GPC5: variants seen among roughly 807,000 people sequenced by gnomAD.
GPC5 encodes the protein glypican-5.
GPC5 carries 47 observed loss-of-function variants against 53.9 expected under a neutral mutation model. That is an observed-to-expected ratio of 0.87 (90% CI 0.69 to 1.11). The LOEUF (loss-of-function observed/expected upper bound fraction) is 1.11. Among genes scored for constraint, GPC5 ranks in the 50% most tolerant of loss-of-function variants. GPC5 has a pLI of 0.00. For missense variants in GPC5, 748 were observed against 713.1 expected (o/e 1.05, Z -0.56); for synonymous variants, 286 against 263.3 (o/e 1.09, Z -0.84).
intron 2 of GPC5, 37 bp downstream of exon 2, chr13:91,448,959 C>T (rs75621401): frequency 0.046 from 74,095 of 1,594,574 alleles, 2,012 homozygotes; most frequent in Middle Eastern, 0.11. Context: ...AAGGACTGGC[C>T]GTGTTATGTA....
intron 6 of GPC5, among the ~76,000 whole-genome samples, chr13:92,138,084 A>G (rs1423222721): frequency 2.0e-5 from 3 of 152,184 alleles, no homozygotes; most frequent in African/African-American, 4.8e-5. Flanking sequence ...ACTACTCTAA[A>G]AAATGAAGTT....
intron 2 of GPC5, among the ~76,000 whole-genome samples, chr13:91,682,877 C>T (rs2035539615): frequency 6.6e-6 from 1 of 152,098 alleles, no homozygotes; most frequent in South Asian, 2.1e-4. Flanking sequence ...ACGTGGAAGA[C>T]CTTGGACTAC....
chr13:92,661,482 G>T (rs2139186409), intron 7 of GPC5, among the ~76,000 whole-genome samples: 1 of 152,160 alleles, frequency 6.6e-6, no homozygotes, highest in Admixed American at 6.5e-5. Flanking sequence ...TTTTAGTAAT[G>T]TTGGCTTATA....
chr13:91,873,205 A>G (rs1467544538), intron 5 of GPC5, among the ~76,000 whole-genome samples: 1 of 152,200 alleles, frequency 6.6e-6, no homozygotes, highest in African/African-American at 2.4e-5. Context: ...CAGTCTTAGT[A>G]TTTTGGTATG....
rs774655275 is a variant in GPC5, at chr13:91,748,164, C to T, written c.1155-8131C>T. On this transcript the variant is annotated intron_variant, in intron 4 of 7. Transcript: ENST00000377067. ...GCTCTTTCTATCTCTGTCTTCATAA[C>T]GCAGCATATCTGTGATGTATTAATT... Among the ~76,000 whole-genome samples the T allele has an allele frequency of 6.6e-5, 10 of 152,312 alleles. 1 individual carries two copies. The highest frequency in any genetic ancestry group is 1.9e-4 in the East Asian group (1 of 5,186).
intron 1 of GPC5, among the ~76,000 whole-genome samples, chr13:91,414,928 ACAC>A (rs1475029489): frequency 1.3e-5 from 2 of 152,166 alleles, no homozygotes; most frequent in Non-Finnish European, 2.9e-5. Context: ...ACATCTTAAG[ACAC>A]CCTTCATGGT....
chr13:91,558,527 A>G (rs1254699225), intron 2 of GPC5, among the ~76,000 whole-genome samples: 1 of 152,058 alleles, frequency 6.6e-6, no homozygotes, highest in African/African-American at 2.4e-5. Flanking sequence ...CATTGCAGGA[A>G]GAAGGGACTT....
chr13:91,799,886 T>A (rs2038106468), intron 5 of GPC5, among the ~76,000 whole-genome samples: 1 of 152,172 alleles, frequency 6.6e-6, no homozygotes. Context: ...TTGACAACTT[T>A]TATTAATATT....
chr13:92,527,182 GAAGAAAGAAAGAAAGAAAGA>G (rs1168907594), intron 7 of GPC5, among the ~76,000 whole-genome samples: 12 of 45,158 alleles, frequency 2.7e-4, no homozygotes, highest in Admixed American at 5.9e-4. Context: ...GAGAAAGAAA[GAAGAAAGAAAGAAAGAAAGA>G]AAGAAAGAAA....
intron 2 of GPC5, among the ~76,000 whole-genome samples, chr13:91,537,640 G>C (rs1886652890): frequency 6.6e-6 from 1 of 152,096 alleles, no homozygotes; most frequent in South Asian, 2.1e-4. Flanking sequence ...CAAAATGAAA[G>C]GATGATGGAA....
chr13:92,543,722 T>A (rs906364090), intron 7 of GPC5, among the ~76,000 whole-genome samples: 2 of 152,108 alleles, frequency 1.3e-5, no homozygotes, highest in Non-Finnish European at 2.9e-5. Flanking sequence ...TGAAGGTTTA[T>A]TTTCTATTTT....
chr13:91,738,666 G>A (rs979593585), intron 4 of GPC5, among the ~76,000 whole-genome samples: 6 of 150,440 alleles, frequency 4.0e-5, no homozygotes, highest in East Asian at 1.9e-4. Flanking sequence ...TTTTAAATTT[G>A]TATTTCTTTA....
chr13:92,113,537 A>C (rs1444566040), intron 6 of GPC5, among the ~76,000 whole-genome samples: 1 of 152,152 alleles, frequency 6.6e-6, no homozygotes, highest in Non-Finnish European at 1.5e-5. Flanking sequence ...TTCACACAAC[A>C]TATACAATTT....
intron 6 of GPC5, among the ~76,000 whole-genome samples, chr13:91,936,838 G>A (rs1033207027): frequency 6.6e-6 from 1 of 151,976 alleles, no homozygotes; most frequent in Non-Finnish European, 1.5e-5. Context: ...CTAAGCAGCT[G>A]GAGATGAATT....
chr13:92,294,302 A>G (rs1310129463), intron 7 of GPC5, among the ~76,000 whole-genome samples: 1 of 152,122 alleles, frequency 6.6e-6, no homozygotes, highest in Non-Finnish European at 1.5e-5. Context: ...GTAGAATTCA[A>G]CTGTGAATCC....
At chr13:92,204,062 T>C (rs187849364) in intron 7 of GPC5, among the ~76,000 whole-genome samples, 2 of 152,318 alleles carry the variant, frequency 1.3e-5, no homozygotes, top group East Asian at 3.9e-4. Flanking sequence ...TAAAATATCT[T>C]TCCAGTATGA....
chr13:92,382,666 G>A (rs1466107520), intron 7 of GPC5, among the ~76,000 whole-genome samples: 1 of 152,100 alleles, frequency 6.6e-6, no homozygotes, highest in Non-Finnish European at 1.5e-5. Context: ...TGTACCCACA[G>A]TTAGCTCTCA....
At chr13:91,722,659 G>A (rs988933206) in intron 3 of GPC5, among the ~76,000 whole-genome samples, 35 of 152,112 alleles carry the variant, frequency 2.3e-4, no homozygotes, top group African/African-American at 7.0e-4. Flanking sequence ...TATAATATGA[G>A]TTAGAATGGG....
At chr13:91,917,520 C>T (rs1202919821) in intron 6 of GPC5, among the ~76,000 whole-genome samples, 1 of 152,190 alleles carries the variant, frequency 6.6e-6, no homozygotes, top group Non-Finnish European at 1.5e-5. Flanking sequence ...CTCACAGCTC[C>T]ACTAGTCAGT....
Sources: allele counts gnomAD v4.1 joint callset (sites outside exome capture counted in the v4.1 genomes callset), GRCh38; gene constraint gnomAD v4.1.1; transcripts MANE v1.5; gene names NCBI Gene and HGNC (gene_info 2026-07-23, HGNC 2026-07-21).